The following PZP variants were observed in gnomAD, a reference collection of about 807,000 sequenced individuals.
PZP encodes the protein PZP alpha-2-macroglobulin like, also known as pregnancy zone protein.
A neutral mutation model predicts 179.8 loss-of-function variants in PZP; 150 were observed. That is an observed-to-expected ratio of 0.83 (90% CI 0.73 to 0.96). PZP has a LOEUF of 0.96. Ranked by LOEUF, PZP falls within the 40% of genes least tolerant of loss-of-function variation. The pLI is 0.00. For missense variants in PZP, 1,689 were observed against 1,764.0 expected, an observed-to-expected ratio of 0.96 and a Z score of 0.76; for synonymous variants, 624 against 652.3, an observed-to-expected ratio of 0.96 and a Z score of 0.66.
chr12:9,146,102 A>G (rs1415651549), downstream of PZP, among the ~76,000 whole-genome samples: 1 of 152,024 alleles, frequency 6.6e-6, no homozygotes, highest in Non-Finnish European at 1.5e-5. Context: ...TATTTCTATG[A>G]ATAAGTTTTT....
intron 7 of PZP, among the ~76,000 whole-genome samples, chr12:9,197,890 A>G (rs1436899887): frequency 8.0e-6 from 1 of 124,744 alleles, no homozygotes; most frequent in East Asian, 2.1e-4. Flanking sequence ...TATTAATAAT[A>G]TATAAATTAT....
In PZP at chr12:9,204,760, G is replaced by T. The variant is rs972341292; in HGVS notation, c.84-809C>A. ...CCATGTTTATAAACATGTTTGTTTCGAATCACATGGGTGGATAGGTTATCT... is the reference window on the plus strand; with the variant it reads ...CCATGTTTATAAACATGTTTGTTTCTAATCACATGGGTGGATAGGTTATCT... On this transcript the variant is annotated intron_variant, in intron 1 of 35. Transcript: ENST00000261336. Among the ~76,000 whole-genome samples, 10 of 151,734 alleles carry T rather than the reference G, an allele frequency of 6.6e-5. No individual in the cohort carries two copies. In the East Asian group the frequency reaches 1.9e-3, roughly 29 times the overall value.
downstream of PZP, among the ~76,000 whole-genome samples, chr12:9,144,869 A>G (rs1452407415): frequency 6.6e-6 from 1 of 152,142 alleles, no homozygotes; most frequent in African/African-American, 2.4e-5. Flanking sequence ...CAGAGATGTC[A>G]TTTGTGGTTT....
intron 18 of PZP, 127 bp from the exon 19 acceptor site, chr12:9,165,494 T>A: frequency 5.9e-6 from 6 of 1,018,132 alleles, no homozygotes; most frequent in Non-Finnish European, 8.6e-6. Context: ...GAGTGTGCAT[T>A]CGTGTGAACA....
At chr12:9,186,468 TGAA>T (rs1303041883) in intron 13 of PZP, among the ~76,000 whole-genome samples, 3 of 152,030 alleles carry the variant, frequency 2.0e-5, no homozygotes, top group African/African-American at 7.3e-5. Flanking sequence ...GCAAGCCAGA[TGAA>T]GAAGCAAGAC....
rs1327637085 is a variant in PZP at position 9,164,129 on chromosome 12, TCAC to T, written c.2614+1_2614+3del. On this transcript the variant is annotated splice_donor_variant and splice_donor_region_variant and intron_variant, in intron 20 of 35. Coordinates refer to ENST00000261336, the MANE Select transcript of PZP (RefSeq NM_002864.3). LOFTEE classifies it high-confidence loss of function. ...GATAGGCCCTTTTGGGTACTGTCACTCACCCAGAGTTTTAGGAGTCACTGTCCA... is the reference window on the plus strand; with the variant it reads ...GATAGGCCCTTTTGGGTACTGTCACTCCAGAGTTTTAGGAGTCACTGTCCA... 10 of 1,610,310 alleles carry T rather than the reference TCAC, an allele frequency of 6.2e-6. No individual in the cohort carries two copies. Among genetic ancestry groups the T allele is most frequent in the Non-Finnish European group, 7.6e-6 (9 of 1,176,838 alleles).
At chr12:9,154,881 A>G (rs372208846) in intron 28 of PZP, 42 bp from the exon 29 acceptor site, 36 of 1,541,870 alleles carry the variant, frequency 2.3e-5, no homozygotes, top group Non-Finnish European at 3.1e-5. Flanking sequence ...CTCATCAATA[A>G]GTAATTATAA....
chr12:9,208,203 A>G (rs1038951988), intron 1 of PZP, 56 bp downstream of exon 1: 1 of 1,368,752 alleles, frequency 7.3e-7, no homozygotes, highest in Non-Finnish European at 1.0e-6. Context: ...CAAAGCGAAG[A>G]CACAAGGGAG....
chr12:9,149,988 A>C (rs895062134), intron 34 of PZP, among the ~76,000 whole-genome samples: 1 of 152,070 alleles, frequency 6.6e-6, no homozygotes, highest in African/African-American at 2.4e-5. Flanking sequence ...TAGACCCCCA[A>C]AACTCCACTC....
At chr12:9,171,276 A>T (rs1056709085) in intron 15 of PZP, among the ~76,000 whole-genome samples, 10 of 152,190 alleles carry the variant, frequency 6.6e-5, no homozygotes, top group Non-Finnish European at 1.5e-5. Context: ...GAGTGGCTTG[A>T]CTGCTAAAAG....
chr12:9,141,564 T>C, the PZP span, among the ~76,000 whole-genome samples: 1 of 152,190 alleles, frequency 6.6e-6, no homozygotes, highest in Non-Finnish European at 1.5e-5. Flanking sequence ...GCCAATATAT[T>C]TACACACAGA....
At chr12:9,160,275 A>G in intron 24 of PZP, 39 bp downstream of exon 24, 1 of 1,555,096 alleles carries the variant, frequency 6.4e-7, no homozygotes, top group Non-Finnish European at 8.7e-7. Flanking sequence ...GAAAAGTTTC[A>G]TTAGAGTAAC....
chr12:9,147,362 C>T (rs1034057942), downstream of PZP, among the ~76,000 whole-genome samples: 2 of 152,146 alleles, frequency 1.3e-5, no homozygotes, highest in African/African-American at 4.8e-5. Flanking sequence ...GTGAAGTAAC[C>T]CCTTCTCTCC....
chr12:9,169,053 AT>A (rs1164294899), intron 16 of PZP, 79 bp from the exon 17 acceptor site: 4 of 1,023,380 alleles, frequency 3.9e-6, no homozygotes, highest in Non-Finnish European at 6.0e-6. Flanking sequence ...AGACTTCTCT[AT>A]GTAATTCCAG....
At chr12:9,196,276 G>A in intron 10 of PZP, 54 bp downstream of exon 10, 1 of 1,265,220 alleles carries the variant, frequency 7.9e-7, no homozygotes, top group Non-Finnish European at 1.1e-6. Context: ...ATTGTGTCCT[G>A]TGCTTAGGTG....
intron 35 of PZP, 62 bp downstream of exon 35, chr12:9,149,499 C>A: frequency 6.8e-7 from 1 of 1,466,136 alleles, no homozygotes; most frequent in Non-Finnish European, 9.3e-7. Flanking sequence ...ATTTAAATTG[C>A]AGGGGCCCTT....
At chr12:9,190,659 C>A (rs1213586048) in intron 13 of PZP, among the ~76,000 whole-genome samples, 1 of 152,040 alleles carries the variant, frequency 6.6e-6, no homozygotes, top group African/African-American at 2.4e-5. Context: ...AGTTTACCTA[C>A]ATAACAAACC....
At chr12:9,193,182 TATC>T (rs1300141183) in intron 11 of PZP, among the ~76,000 whole-genome samples, 1 of 152,230 alleles carries the variant, frequency 6.6e-6, no homozygotes, top group African/African-American at 2.4e-5. Flanking sequence ...TTATGCCTCT[TATC>T]ATTATTGTGA....
chr12:9,196,470 A>C (rs772263841), intron 9 of PZP, 31 bp from the exon 10 acceptor site: 2 of 1,579,558 alleles, frequency 1.3e-6, no homozygotes, highest in East Asian at 2.2e-5. Context: ...GTACTTTTAG[A>C]AGTTACTTTA....
Sources: gnomAD v4.1 joint callset for allele counts (sites outside exome capture counted in the v4.1 genomes callset) on GRCh38, gnomAD v4.1.1 for gene constraint, MANE v1.5 for transcripts, NCBI Gene and HGNC (gene_info 2026-07-23, HGNC 2026-07-21) for gene names.